ANKS1B: variants seen among roughly 807,000 people sequenced by gnomAD.
ANKS1B encodes the protein ankyrin repeat and sterile alpha motif domain containing 1B, also known as ankyrin repeat and sterile alpha motif domain-containing protein 1B.
Under a neutral mutation model 148.3 loss-of-function variants are expected in ANKS1B, and 36 were observed. The ratio of observed to expected loss-of-function variants is 0.24; its 90% CI spans 0.19 to 0.32. The LOEUF (loss-of-function observed/expected upper bound fraction) is 0.32. ANKS1B is among the 10% of genes least tolerant of loss of function. The pLI, the probability that ANKS1B is intolerant of heterozygous loss-of-function variation, is 1.00. For synonymous variants in ANKS1B, 542 were observed against 560.8 expected (o/e 0.97, Z 0.47); for missense variants, 1,157 against 1,542.6 (o/e 0.75, Z 4.19).
At chr12:99,978,777 T>C (rs1362192429) in intron 1 of ANKS1B, among the ~76,000 whole-genome samples, 1 of 152,200 alleles carries the variant, frequency 6.6e-6, no homozygotes, top group East Asian at 1.9e-4. Context: ...TTTTATGTTT[T>C]TGGTGACCAG....
intron 8 of ANKS1B, among the ~76,000 whole-genome samples, chr12:99,733,276 A>C (rs1002638513): frequency 6.6e-6 from 1 of 152,204 alleles, no homozygotes; most frequent in East Asian, 1.9e-4. Flanking sequence ...ATACAATTAC[A>C]ACATAGGCAA....
intron 8 of ANKS1B, among the ~76,000 whole-genome samples, chr12:99,748,084 T>C (rs1051462650): frequency 3.9e-5 from 6 of 152,142 alleles, no homozygotes; most frequent in Admixed American, 3.9e-4. Context: ...TGATTGCGAC[T>C]AGCTAGCTCA....
intron 12 of ANKS1B, among the ~76,000 whole-genome samples, chr12:99,357,428 C>A (rs1011312190): frequency 1.6e-4 from 25 of 152,148 alleles, no homozygotes; most frequent in African/African-American, 4.1e-4. Context: ...TCATCTCCAG[C>A]ATGGGCTGAG....
At chr12:98,929,001 C>G (rs1444809791) in intron 17 of ANKS1B, among the ~76,000 whole-genome samples, 1 of 151,842 alleles carries the variant, frequency 6.6e-6, no homozygotes, top group Non-Finnish European at 1.5e-5. Context: ...GAAACTATCT[C>G]TATTTGCAGA....
intron 4 of ANKS1B, among the ~76,000 whole-genome samples, chr12:99,789,487 A>G (rs528606926): frequency 6.6e-6 from 1 of 152,368 alleles, no homozygotes; most frequent in East Asian, 1.9e-4. Flanking sequence ...CCTGGAAAAA[A>G]AATAGATATA....
At chr12:99,554,467 G>C (rs529244043) in intron 9 of ANKS1B, among the ~76,000 whole-genome samples, 1 of 152,278 alleles carries the variant, frequency 6.6e-6, no homozygotes, top group African/African-American at 2.4e-5. Context: ...AGGTGGAAAG[G>C]AGAGTCATTA....
chr12:99,404,774 A>T (rs1178549612), intron 11 of ANKS1B, among the ~76,000 whole-genome samples: 1 of 145,656 alleles, frequency 6.9e-6, no homozygotes, highest in African/African-American at 2.6e-5. Context: ...ACCTAAAGAA[A>T]GATCTCAATA....
At chr12:99,149,910 T>C (rs1224959768) in intron 15 of ANKS1B, among the ~76,000 whole-genome samples, 1 of 152,274 alleles carries the variant, frequency 6.6e-6, no homozygotes, top group Middle Eastern at 3.4e-3. Flanking sequence ...CCCTGTGGTG[T>C]AGTGTGTGTG....
intron 15 of ANKS1B, among the ~76,000 whole-genome samples, chr12:99,109,159 C>G (rs541371520): frequency 1.3e-3 from 189 of 147,780 alleles, no homozygotes; most frequent in Non-Finnish European, 2.3e-3. Flanking sequence ...GGCTCTGGAC[C>G]TTTCTGTACT....
intron 14 of ANKS1B, among the ~76,000 whole-genome samples, chr12:99,232,680 C>T (rs1178600000): frequency 6.6e-6 from 1 of 152,130 alleles, no homozygotes; most frequent in Non-Finnish European, 1.5e-5. Context: ...CTTATGATTG[C>T]AATGACAATG....
intron 25 of ANKS1B, among the ~76,000 whole-genome samples, chr12:98,770,885 T>C (rs1322142209): frequency 6.6e-6 from 1 of 152,234 alleles, no homozygotes; most frequent in Admixed American, 6.5e-5. Flanking sequence ...ACGTGATTCC[T>C]GATTCTTTAA....
At chr12:99,275,948 T>G (rs1011525606) in intron 12 of ANKS1B, among the ~76,000 whole-genome samples, 1 of 152,176 alleles carries the variant, frequency 6.6e-6, no homozygotes, top group Non-Finnish European at 1.5e-5. Context: ...TAGCTCCCAG[T>G]GTCAGCAATT....
chr12:99,584,894 T>A (rs576291908), intron 9 of ANKS1B, among the ~76,000 whole-genome samples: 1 of 152,212 alleles, frequency 6.6e-6, no homozygotes, highest in African/African-American at 2.4e-5. Flanking sequence ...GTCCCTCCCA[T>A]GACACATGGG....
chr12:99,195,304 T>C (rs1239078583), intron 14 of ANKS1B, among the ~76,000 whole-genome samples: 11 of 152,204 alleles, frequency 7.2e-5, no homozygotes, highest in African/African-American at 2.7e-4. Flanking sequence ...GTTAAGTGCC[T>C]AGTGTATTAA....
chr12:98,948,777 A>C (rs201491862), intron 17 of ANKS1B, among the ~76,000 whole-genome samples: 1,640 of 106,562 alleles, frequency 0.015, 26 homozygotes, highest in Middle Eastern at 0.074. Context: ...ACCCCCCCCC[A>C]CACACACACA....
chr12:99,627,652 C>A (rs1228268334), intron 9 of ANKS1B, among the ~76,000 whole-genome samples: 1 of 152,122 alleles, frequency 6.6e-6, no homozygotes, highest in Non-Finnish European at 1.5e-5. Flanking sequence ...AGCCTGAGGG[C>A]CTGCGGCATG....
intron 12 of ANKS1B, among the ~76,000 whole-genome samples, chr12:99,342,821 T>C (rs977891086): frequency 4.0e-5 from 6 of 149,912 alleles, no homozygotes; most frequent in African/African-American, 1.5e-4. Context: ...TTAAGTAGAT[T>C]AGTTTTTTCT....
chr12:99,152,463 A>G (rs1226242963), intron 15 of ANKS1B, among the ~76,000 whole-genome samples: 1 of 152,152 alleles, frequency 6.6e-6, no homozygotes, highest in Non-Finnish European at 1.5e-5. Flanking sequence ...TATATCCAGG[A>G]TTTTGCCTTC....
rs1441486862 is a variant in ANKS1B at position 99,632,767 on chromosome 12, A to ATATATATATTTTTT, written c.1272+22299_1272+22300insAAAAAATATATATA. ...TATATATATATATATATATATATATATTTTAATTATACTTTAAGTTCTAGG... is the reference window on the plus strand; with the variant it reads ...TATATATATATATATATATATATATATATATATATTTTTTTTTTAATTATACTTTAAGTTCTAGG... On this transcript the variant is annotated intron_variant, in intron 9 of 26. Coordinates refer to ENST00000683438, the MANE Select transcript of ANKS1B (RefSeq NM_001352186.2). 1.1e-4 allele frequency among the ~76,000 whole-genome samples: 8 copies of ATATATATATTTTTT among 71,312 alleles called. No individual in the cohort carries two copies. The South Asian group carries it at 1.4e-3, about 12-fold the overall frequency. The allele number at this position is 71,312 out of a possible 152,430, so 46.8% of individuals were successfully genotyped here. A position where few individuals can be genotyped will look rare whatever the true frequency, so the allele number is the denominator to read the frequency against.
Sources: gnomAD v4.1 joint callset for allele counts (sites outside exome capture counted in the v4.1 genomes callset) on GRCh38, gnomAD v4.1.1 for gene constraint, MANE v1.5 for transcripts, NCBI Gene and HGNC (gene_info 2026-07-23, HGNC 2026-07-21) for gene names.